Variants in TECR observed in about 807,000 individuals in gnomAD.
TECR encodes the protein trans-2,3-enoyl-CoA reductase, also known as very-long-chain enoyl-CoA reductase.
In TECR, 19 loss-of-function variants were observed where a neutral mutation model predicts 50.6. The observed-to-expected ratio is 0.38, with a 90% CI of 0.26 to 0.55. The LOEUF is 0.55. Ranked by LOEUF, TECR falls within the 20% of genes least tolerant of loss-of-function variation. The probability of loss-of-function intolerance (pLI) is 0.79; values close to 1 mark genes in which losing one functional copy is unlikely to be tolerated. For synonymous variants in TECR, 168 were observed against 163.5 expected, an observed-to-expected ratio of 1.03 and a Z score of -0.21; for missense variants, 313 against 408.3, an observed-to-expected ratio of 0.77 and a Z score of 2.01.
chr19:14,553,135 A>G (rs1464212315), intron 1 of TECR, among the ~76,000 whole-genome samples: 1 of 152,130 alleles, frequency 6.6e-6, no homozygotes, highest in African/African-American at 2.4e-5. Context: ...TGCTCGCCCA[A>G]GCCAGGAGCT....
chr19:14,550,221 T>C (rs1226075783), intron 1 of TECR, among the ~76,000 whole-genome samples: 1 of 152,062 alleles, frequency 6.6e-6, no homozygotes, highest in Non-Finnish European at 1.5e-5. Flanking sequence ...CAAAAGAGGA[T>C]GAATACATTG....
chr19:14,562,060 C>CA, intron 1 of TECR: 1 of 373,070 alleles, frequency 2.7e-6, no homozygotes, highest in Non-Finnish European at 5.0e-6. Flanking sequence ...GGTGACCACT[C>CA]AAAAGCTGCT....
At chr19:14,550,444 C>T (rs954657577) in intron 1 of TECR, among the ~76,000 whole-genome samples, 1 of 152,076 alleles carries the variant, frequency 6.6e-6, no homozygotes, top group African/African-American at 2.4e-5. Context: ...CTCCTCCAGT[C>T]AGTTTGTATC....
chr19:14,564,685 C>A (rs958710930), intron 7 of TECR, 101 bp from the exon 8 acceptor site: 2 of 1,215,732 alleles, frequency 1.6e-6, no homozygotes, highest in Non-Finnish European at 2.4e-6. Flanking sequence ...CCCCTCCTGT[C>A]CTTTCCCACC....
chr19:14,565,604 G>C lies in TECR; in HGVS notation c.754-14G>C. 6.2e-7 allele frequency: 1 copy of C among 1,608,900 alleles called. No individual in the cohort carries two copies. The highest frequency in any genetic ancestry group is 8.5e-7 in the Non-Finnish European group (1 of 1,178,932). On this transcript the variant is annotated splice_polypyrimidine_tract_variant and intron_variant, in intron 11 of 12. Coordinates refer to ENST00000215567, the MANE Select transcript of TECR (RefSeq NM_138501.6). The stretch of plus-strand genomic sequence containing the variant: ...GCGAGGCTGCCCACGCTCACTCTCC[G>C]CCCCTGCCCACAGGTGGGGTCCTGG...
chr19:14,543,414 TATATA>T (rs1240748927), intron 1 of TECR, among the ~76,000 whole-genome samples: 13 of 9,804 alleles, frequency 1.3e-3, no homozygotes, highest in African/African-American at 2.0e-3. Context: ...TATATATATA[TATATA>T]TTTTTTTTTT....
At chr19:14,531,614 G>T in intron 1 of TECR, 1 of 152,016 alleles carries the variant, frequency 6.6e-6, no homozygotes, top group South Asian at 2.1e-4. Flanking sequence ...TAGAGACAGG[G>T]TTTCTCCATG....
At chr19:14,541,376 C>T (rs1462490092) in intron 1 of TECR, among the ~76,000 whole-genome samples, 1 of 152,038 alleles carries the variant, frequency 6.6e-6, no homozygotes. Flanking sequence ...GCACAGCGGC[C>T]CTTCTGAGAT....
chr19:14,535,331 C>T (rs1257553053), intron 1 of TECR, among the ~76,000 whole-genome samples: 1 of 150,380 alleles, frequency 6.6e-6, no homozygotes, highest in African/African-American at 2.5e-5. Flanking sequence ...CACAGTGAAA[C>T]CCCGTCTCTA....
chr19:14,549,403 G>A (rs1389305298), intron 1 of TECR, among the ~76,000 whole-genome samples: 4 of 151,750 alleles, frequency 2.6e-5, no homozygotes, highest in South Asian at 4.2e-4. Context: ...CATAGAGATG[G>A]GGTTTCACCA....
At chr19:14,565,400 G>A in intron 11 of TECR, 110 bp downstream of exon 11, 1 of 1,444,818 alleles carries the variant, frequency 6.9e-7, no homozygotes, top group Non-Finnish European at 9.5e-7. Flanking sequence ...CGCCTGCACT[G>A]CGAGCATTGG....
intron 1 of TECR, chr19:14,532,090 G>A (rs2072693088): frequency 6.6e-6 from 1 of 151,584 alleles, no homozygotes; most frequent in Non-Finnish European, 1.5e-5. Context: ...TTTTGCAAAT[G>A]TAGTTGGTTT....
chr19:14,558,401 C>G (rs1599485716), intron 1 of TECR, among the ~76,000 whole-genome samples: 1 of 152,206 alleles, frequency 6.6e-6, no homozygotes, highest in East Asian at 1.9e-4. Context: ...ACAAACCTCG[C>G]CCCTGCTCCC....
rs191484029 is a variant in TECR, at chr19:14,552,181, T to G, written c.16-10344T>G. On this transcript the variant is annotated intron_variant, in intron 1 of 12. Coordinates refer to ENST00000215567, the MANE Select transcript of TECR (RefSeq NM_138501.6). ...TCTTTCTTTCTTTTTTCTTTTTTTT[T>G]TTTTTTGAGATAGCGTGTCTTCTGT... Among the ~76,000 whole-genome samples the G allele has an allele frequency of 7.7e-3, 1,154 of 149,976 alleles. 8 individuals carry two copies. The highest frequency in any genetic ancestry group is 0.021 in the Middle Eastern group (6 of 292).
At chr19:14,559,208 C>T (rs888439215) in intron 1 of TECR, among the ~76,000 whole-genome samples, 7 of 152,142 alleles carry the variant, frequency 4.6e-5, no homozygotes, top group Non-Finnish European at 1.0e-4. Flanking sequence ...TAACATGAAA[C>T]TAACCATTTA....
At chr19:14,554,310 G>C (rs2073642893) in intron 1 of TECR, among the ~76,000 whole-genome samples, 1 of 152,174 alleles carries the variant, frequency 6.6e-6, no homozygotes, top group Non-Finnish European at 1.5e-5. Context: ...CCATTAGGCA[G>C]GTCACGTCCT....
intron 1 of TECR, among the ~76,000 whole-genome samples, chr19:14,537,451 CAG>C (rs1187664603): frequency 2.1e-5 from 3 of 144,148 alleles, no homozygotes; most frequent in Admixed American, 6.9e-5. Flanking sequence ...TTCCTGAGAA[CAG>C]AGGAGGGTTG....
At chr19:14,560,721 T>C (rs1177514221) in intron 1 of TECR, among the ~76,000 whole-genome samples, 1 of 152,224 alleles carries the variant, frequency 6.6e-6, no homozygotes, top group East Asian at 1.9e-4. Context: ...ATTTCCTGGC[T>C]GCTGGGCCCA....
chr19:14,554,526 G>A (rs1265531676), intron 1 of TECR, among the ~76,000 whole-genome samples: 1 of 152,206 alleles, frequency 6.6e-6, no homozygotes, highest in African/African-American at 2.4e-5. Context: ...GGAAGCACCA[G>A]TCTTGGCTTG....
Sources: allele counts gnomAD v4.1 joint callset (sites outside exome capture counted in the v4.1 genomes callset), GRCh38; gene constraint gnomAD v4.1.1; transcripts MANE v1.5; gene names NCBI Gene and HGNC (gene_info 2026-07-23, HGNC 2026-07-21).